METTL4: variants seen among roughly 807,000 people sequenced by gnomAD.
The protein encoded by METTL4 is methyltransferase 4, N6-adenosine.
Under a neutral mutation model 54.0 loss-of-function variants are expected in METTL4, and 40 were observed. The observed-to-expected ratio is 0.74, with a 90% CI of 0.58 to 0.96. The LOEUF (loss-of-function observed/expected upper bound fraction) is 0.96. Ranked by LOEUF, METTL4 falls within the 50% of genes least tolerant of loss-of-function variation. The pLI is 0.00. For synonymous variants in METTL4, 169 were observed against 183.8 expected (o/e 0.92, Z 0.65); for missense variants, 525 against 549.0 (o/e 0.96, Z 0.44).
intron 3 of METTL4, among the ~76,000 whole-genome samples, chr18:2,557,186 G>C (rs1167530538): frequency 6.6e-6 from 1 of 151,868 alleles, no homozygotes; most frequent in African/African-American, 2.4e-5. Context: ...GAGAGGAAAG[G>C]GCTCCACAGA....
chr18:2,563,600 CAA>C (rs67428228), intron 3 of METTL4, among the ~76,000 whole-genome samples, 195 bp downstream of exon 3: 2 of 97,852 alleles, frequency 2.0e-5, no homozygotes, highest in African/African-American at 4.2e-5. Flanking sequence ...GACTCTGCCT[CAA>C]AAAAAAAAAA....
chr18:2,540,227 T>C, intron 8 of METTL4: 1 of 984,812 alleles, frequency 1.0e-6, no homozygotes, highest in Non-Finnish European at 1.2e-6. Flanking sequence ...GACAAATACT[T>C]AAATCAATTT....
chr18:2,547,749 AT>A (rs11321765), intron 5 of METTL4, among the ~76,000 whole-genome samples: 64,809 of 151,512 alleles, frequency 0.43, 14,009 homozygotes, highest in Middle Eastern at 0.48. Context: ...GTCAGGCTGT[AT>A]TTTTTTTTAG....
At chr18:2,547,952 A>T (rs2072096880) in intron 5 of METTL4, among the ~76,000 whole-genome samples, 1 of 152,190 alleles carries the variant, frequency 6.6e-6, no homozygotes, top group South Asian at 2.1e-4. Context: ...GCACCAAATC[A>T]GTGTTGCAAA....
At chr18:2,555,923 A>G (rs2677878) in intron 3 of METTL4, among the ~76,000 whole-genome samples, 81,070 of 151,786 alleles carry the variant, frequency 0.53, 22,353 homozygotes, top group African/African-American at 0.68. Context: ...ACAAAGGACC[A>G]CTCCAGCTTA....
chr18:2,547,372 C>T lies in METTL4; in HGVS notation c.1057G>A (p.Glu353Lys). The T allele has an allele frequency of 1.3e-6, 2 of 1,580,346 alleles. No homozygotes were observed. Among genetic ancestry groups the T allele is most frequent in the Non-Finnish European group, 1.7e-6 (2 of 1,166,452 alleles). The change falls in exon 6 of 9, where the codon GAG (glutamate) becomes AAG (lysine). Residue 353 changes from glutamate (E) to lysine (K), a missense_variant. Coordinates refer to ENST00000574538, the MANE Select transcript of METTL4 (RefSeq NM_022840.5). ...GAACTTACTTTTACCCAGTGCCACTCAGCAACTACCTCCACAGACCAAGAG... is the reference window on the plus strand; with the variant it reads ...GAACTTACTTTTACCCAGTGCCACTTAGCAACTACCTCCACAGACCAAGAG... ...YPSWSVEVVA[E>K]WHWVKITNSG...
At chr18:2,539,761 C>A (rs1284481219) in intron 8 of METTL4, 1 of 899,472 alleles carries the variant, frequency 1.1e-6, no homozygotes, top group Admixed American at 6.3e-5. Context: ...GGATTACAGG[C>A]AGGAGCCACC....
At chr18:2,566,736 G>A (rs1025768332) in intron 2 of METTL4, 85 bp downstream of exon 2, 18 of 1,108,428 alleles carry the variant, frequency 1.6e-5, no homozygotes, top group East Asian at 1.3e-4. Flanking sequence ...TATACTTAAC[G>A]AATCACCAGA....
At position 2,554,722 on chromosome 18, in the gene METTL4, G is replaced by C. The variant is rs925707427; in HGVS notation, c.776C>G (p.Pro259Arg). 1 of 1,610,146 alleles carries C rather than the reference G, an allele frequency of 6.2e-7. No homozygotes were observed. The highest frequency in any genetic ancestry group is 2.2e-5 in the East Asian group (1 of 44,830). ...TLMGQKYLLP[P>R]KSSFLLSDIS... ...GTCAGATAAAAGAAAACTGCTTTTC[G>C]GTGGTAGCAGGTATTTCTGTCCCAT... is the stretch of plus-strand genomic sequence containing the variant. Residue 259 changes from proline (P) to arginine (R), a missense_variant, in exon 4 of 9, where the codon CCG becomes CGG. Transcript: ENST00000574538.
chr18:2,562,998 C>T lies in METTL4; in HGVS notation c.459+799G>A, dbSNP rs114881456. 8.5e-3 allele frequency among the ~76,000 whole-genome samples: 1,295 copies of T among 152,162 alleles called. 23 individuals are homozygous for T. Among genetic ancestry groups the T allele is most frequent in the African/African-American group, 0.03 (1,236 of 41,490 alleles). On this transcript the variant is annotated intron_variant, in intron 3 of 8. Transcript: ENST00000574538. ...CTACCATCACATTAATTCAACAAGA[C>T]CGAATTCCAGACTGAATTTTGCCAT...
intron 8 of METTL4, chr18:2,540,845 C>A: frequency 4.1e-6 from 4 of 985,322 alleles, no homozygotes; most frequent in Non-Finnish European, 4.8e-6. Context: ...ATTTTTGGTA[C>A]GAAGATGTTA....
At chr18:2,565,707 A>C (rs988665901) in intron 2 of METTL4, among the ~76,000 whole-genome samples, 5 of 152,166 alleles carry the variant, frequency 3.3e-5, no homozygotes, top group African/African-American at 1.2e-4. Flanking sequence ...ATCACTCTGC[A>C]TACAATGGCA....
At chr18:2,542,603 GA>G (rs1233916228) in intron 8 of METTL4, among the ~76,000 whole-genome samples, 3 of 152,044 alleles carry the variant, frequency 2.0e-5, no homozygotes. Flanking sequence ...AAATTCAAAT[GA>G]GAGGAATACA....
In METTL4 at chr18:2,544,232, C is replaced by T. The variant is rs781667913; in HGVS notation, c.1236G>A (p.Val412=). The T allele has an allele frequency of 1.2e-6, 2 of 1,613,464 alleles. No homozygotes were observed. Among genetic ancestry groups the T allele is most frequent in the South Asian group, 2.2e-5 (2 of 90,976 alleles). The change falls in exon 8 of 9, where the codon GTG becomes GTA. Residue 412 remains valine, a synonymous_variant. Transcript: ENST00000574538. ...GCTTATGTGAGTGAAGAGTACAGGG[C>T]ACGCTGACAATTAATTTGTGGTCTG... is the stretch of plus-strand genomic sequence containing the variant. ...PIPDHKLIVS[V]PCTLHSHKPP... is the part of the protein sequence containing the mutation.
chr18:2,566,754 G>A, intron 2 of METTL4, 67 bp downstream of exon 2: 1 of 1,256,542 alleles, frequency 8.0e-7, no homozygotes, highest in East Asian at 2.5e-5. Context: ...AGATATTTAA[G>A]ACATTTAGAT....
chr18:2,564,739 A>C (rs2143585101), intron 2 of METTL4, among the ~76,000 whole-genome samples: 1 of 152,362 alleles, frequency 6.6e-6, no homozygotes, highest in African/African-American at 2.4e-5. Context: ...GCATATCAGA[A>C]GGTGTCATCA....
intron 3 of METTL4, among the ~76,000 whole-genome samples, chr18:2,562,453 CA>C (rs10714715): frequency 0.98 from 149,444 of 152,318 alleles, 73,374 homozygotes; most frequent in East Asian, 1. Flanking sequence ...AGCAGGGACT[CA>C]AAACAGATAC....
chr18:2,539,853 A>T, intron 8 of METTL4: 2 of 917,654 alleles, frequency 2.2e-6, no homozygotes, highest in African/African-American at 3.7e-5. Context: ...AACCCATTTA[A>T]AAAAAAAAAA....
rs1410896667 is a variant in METTL4, at chr18:2,571,351, G to C, written c.-641C>G. 6.6e-6 allele frequency: 1 copy of C among 152,256 alleles called. No individual in the cohort carries two copies. The highest frequency in any genetic ancestry group is 1.5e-5 in the Non-Finnish European group (1 of 68,074). 9.4% of individuals were successfully genotyped at this position (152,256 alleles called of 1,614,324 possible). ...GAGTTGAGCGTTCAGGGCACTCCTC[G>C]GCGCTCAAGCTGCCCACAGGTCTTC... On this transcript the variant is annotated 5_prime_UTR_variant, in exon 1 of 9. Transcript: ENST00000574538.
Sources: allele counts gnomAD v4.1 joint callset (sites outside exome capture counted in the v4.1 genomes callset), GRCh38; gene constraint gnomAD v4.1.1; transcripts MANE v1.5; gene names NCBI Gene and HGNC (gene_info 2026-07-23, HGNC 2026-07-21).